Variants in PLEKHG7 observed in about 807,000 individuals in gnomAD.
PLEKHG7 encodes the protein pleckstrin homology and RhoGEF domain containing G7, also known as pleckstrin homology domain-containing family G member 7.
A neutral mutation model predicts 85.2 loss-of-function variants in PLEKHG7; 77 were observed. The ratio of observed to expected loss-of-function variants is 0.90; its 90% confidence interval spans 0.75 to 1.09. The LOEUF is 1.09. Among genes scored for constraint, PLEKHG7 ranks in the 50% least tolerant of loss-of-function variants. The probability of loss-of-function intolerance (pLI) is 0.00; values close to 1 mark genes in which losing one functional copy is unlikely to be tolerated. For synonymous variants in PLEKHG7, 301 were observed against 302.4 expected (o/e 1.00, Z 0.05); for missense variants, 777 against 804.3 (o/e 0.97, Z 0.41).
rs779210001 is a variant in PLEKHG7 at position 92,745,828 on chromosome 12, TG to T, written c.1251+241del. Among the ~76,000 whole-genome samples the T allele has an allele frequency of 9.6e-4, 146 of 152,358 alleles. 1 individual carries two copies. The highest frequency in any genetic ancestry group is 1.7e-3 in the Non-Finnish European group (115 of 68,034). On this transcript the variant is annotated intron_variant, in intron 10 of 16. Coordinates refer to ENST00000344636, the MANE Select transcript of PLEKHG7 (RefSeq NM_001377329.1). ...CTAATATCCCTCCTGAAATGTTGGC[TG>T]GGGCTTAAAAATGTTTTCTTGGTTC...
chr12:92,741,627 G>C (rs772083542), intron 9 of PLEKHG7, 35 bp downstream of exon 9: 1 of 1,524,054 alleles, frequency 6.6e-7, no homozygotes, highest in East Asian at 2.3e-5. Flanking sequence ...GCTTCATGTA[G>C]TAAAATCACC....
intron 3 of PLEKHG7, among the ~76,000 whole-genome samples, chr12:92,712,514 T>C (rs1871384100): frequency 6.6e-6 from 1 of 152,230 alleles, no homozygotes; most frequent in Admixed American, 6.5e-5. Flanking sequence ...TTCTCCAAGA[T>C]CCATTTGTCT....
At chr12:92,717,613 C>T (rs4315122) in intron 3 of PLEKHG7, among the ~76,000 whole-genome samples, 73,721 of 152,110 alleles carry the variant, frequency 0.48, 18,836 homozygotes, top group East Asian at 0.89. Flanking sequence ...TAGTTTTGCT[C>T]TACCTAGTTT....
At chr12:92,705,305 G>A (rs1455211802) in intron 1 of PLEKHG7, among the ~76,000 whole-genome samples, 6 of 152,128 alleles carry the variant, frequency 3.9e-5, no homozygotes, top group African/African-American at 1.5e-4. Context: ...ACAGAATGAG[G>A]TCAGGTTATA....
intron 1 of PLEKHG7, among the ~76,000 whole-genome samples, chr12:92,705,108 C>G (rs1437237688): frequency 1.3e-5 from 2 of 152,110 alleles, no homozygotes; most frequent in Non-Finnish European, 1.5e-5. Context: ...TTGCCATAGG[C>G]AAGTACAAAA....
At chr12:92,756,658 C>A (rs768069224) in intron 13 of PLEKHG7, among the ~76,000 whole-genome samples, 39 of 152,334 alleles carry the variant, frequency 2.6e-4, no homozygotes, top group Non-Finnish European at 5.6e-4. Context: ...ACAAGAACAA[C>A]TTCGCTCACG....
chr12:92,722,274 C>T (rs1363657030), intron 3 of PLEKHG7, among the ~76,000 whole-genome samples: 1 of 152,110 alleles, frequency 6.6e-6, no homozygotes, highest in Non-Finnish European at 1.5e-5. Context: ...CACTGCCAGG[C>T]ATGGAATTGA....
At chr12:92,718,873 C>T (rs570347663) in intron 3 of PLEKHG7, among the ~76,000 whole-genome samples, 20 of 152,184 alleles carry the variant, frequency 1.3e-4, no homozygotes, top group Non-Finnish European at 2.6e-4. Flanking sequence ...ACTGATTTGA[C>T]CCCACAGCCA....
At chr12:92,749,937 TTTATATTTTATTTTATTTTA>T (rs1872641578) in intron 10 of PLEKHG7, among the ~76,000 whole-genome samples, 2 of 123,146 alleles carry the variant, frequency 1.6e-5, no homozygotes, top group African/African-American at 3.1e-5. Flanking sequence ...TTTATTTTAT[TTTATATTTTATTTTATTTTA>T]TATTTTATTT....
rs1873456291 is a variant in PLEKHG7 at position 92,772,131 on chromosome 12, A to G, written c.*1936A>G. The G allele has an allele frequency of 6.6e-6, 1 of 151,884 alleles. No individual in the cohort carries two copies. The highest frequency in any genetic ancestry group is 2.4e-5 in the African/African-American group (1 of 41,394). 9.4% of individuals were successfully genotyped at this position (151,884 alleles called of 1,614,324 possible). On this transcript the variant is annotated 3_prime_UTR_variant, in exon 17 of 17. Transcript: ENST00000344636. ...AAACAATGGCACATTGGGCCTTCCA[A>G]AAAGTATCTTTGGGGAGGGGAGGGA...
At chr12:92,707,516 A>G (rs1032839238) in intron 2 of PLEKHG7, 134 bp from the exon 3 acceptor site, 23 of 1,474,432 alleles carry the variant, frequency 1.6e-5, no homozygotes, top group Non-Finnish European at 1.9e-5. Flanking sequence ...AGTTATTCAA[A>G]TTTCCAATCC....
chr12:92,754,336 C>G, intron 11 of PLEKHG7, 72 bp downstream of exon 11: 1 of 1,439,280 alleles, frequency 6.9e-7, no homozygotes, highest in Non-Finnish European at 9.6e-7. Flanking sequence ...TTCTGGGCTT[C>G]CATCCTAGGA....
intron 9 of PLEKHG7, among the ~76,000 whole-genome samples, chr12:92,744,335 T>A (rs1872456973): frequency 1.3e-5 from 2 of 152,026 alleles, no homozygotes; most frequent in Non-Finnish European, 1.5e-5. Flanking sequence ...CTGAAGAGAG[T>A]GCCTTCCAGT....
chr12:92,715,070 A>C (rs1871443553), intron 3 of PLEKHG7, among the ~76,000 whole-genome samples: 1 of 152,144 alleles, frequency 6.6e-6, no homozygotes, highest in Non-Finnish European at 1.5e-5. Flanking sequence ...ATAGATAAAG[A>C]GTTTATTAAG....
intron 4 of PLEKHG7, among the ~76,000 whole-genome samples, chr12:92,731,523 G>C (rs1871993080): frequency 6.6e-6 from 1 of 152,162 alleles, no homozygotes; most frequent in African/African-American, 2.4e-5. Context: ...ACACCTAAGA[G>C]ACAATTTTCA....
intron 3 of PLEKHG7, among the ~76,000 whole-genome samples, chr12:92,722,979 C>T (rs1049283740): frequency 2.2e-4 from 34 of 152,036 alleles, no homozygotes; most frequent in Non-Finnish European, 8.8e-5. Context: ...AGAGAATTGT[C>T]CCTCCCTGAG....
intron 1 of PLEKHG7, among the ~76,000 whole-genome samples, chr12:92,704,857 C>T (rs1871186802): frequency 6.6e-6 from 1 of 152,204 alleles, no homozygotes; most frequent in Non-Finnish European, 1.5e-5. Context: ...GGATTACAGG[C>T]ATGAGCCTCT....
chr12:92,733,991 G>A (rs565827117), intron 5 of PLEKHG7, among the ~76,000 whole-genome samples: 1 of 152,284 alleles, frequency 6.6e-6, no homozygotes, highest in South Asian at 2.1e-4. Context: ...TATGTTGGAG[G>A]GAGGGAAGCA....
chr12:92,762,788 T>C (rs1316986629), intron 14 of PLEKHG7, among the ~76,000 whole-genome samples: 1 of 152,210 alleles, frequency 6.6e-6, no homozygotes, highest in Non-Finnish European at 1.5e-5. Context: ...ACTAGCTATG[T>C]CATATCTTTT....
Sources: gnomAD v4.1 joint callset for allele counts (sites outside exome capture counted in the v4.1 genomes callset) on GRCh38, gnomAD v4.1.1 for gene constraint, MANE v1.5 for transcripts, NCBI Gene and HGNC (gene_info 2026-07-23, HGNC 2026-07-21) for gene names.